Variants in GRM8 observed in about 807,000 individuals in gnomAD.
The protein encoded by GRM8 is glutamate metabotropic receptor 8, also known as metabotropic glutamate receptor 8.
GRM8 carries 47 observed loss-of-function variants against 87.2 expected under a neutral mutation model. The ratio of observed to expected loss-of-function variants is 0.54; its 90% CI spans 0.43 to 0.69. The LOEUF is 0.69. Among genes scored for constraint, GRM8 ranks in the 30% least tolerant of loss-of-function variants. GRM8 has a pLI of 0.00. For synonymous variants in GRM8, 396 were observed against 404.5 expected, an observed-to-expected ratio of 0.98 and a Z score of 0.25; for missense variants, 1,019 against 1,139.2, an observed-to-expected ratio of 0.89 and a Z score of 1.52.
At chr7:126,537,763 C>A (rs1486996584) in intron 8 of GRM8, among the ~76,000 whole-genome samples, 3 of 151,528 alleles carry the variant, frequency 2.0e-5, no homozygotes, top group Non-Finnish European at 1.5e-5. Flanking sequence ...GGTGACAGAG[C>A]GAGACTCCGT....
intron 6 of GRM8, among the ~76,000 whole-genome samples, chr7:126,893,159 TA>T (rs1801226507): frequency 6.6e-6 from 1 of 152,070 alleles, no homozygotes; most frequent in African/African-American, 2.4e-5. Flanking sequence ...AATGTAATTT[TA>T]TTTTTTTAGA....
At chr7:126,936,984 C>T (rs1806402690) in intron 3 of GRM8, among the ~76,000 whole-genome samples, 1 of 152,326 alleles carries the variant, frequency 6.6e-6, no homozygotes, top group East Asian at 1.9e-4. Context: ...ATTGCCATAA[C>T]AATATCTGAG....
At chr7:127,105,622 G>T (rs1320190371) in intron 3 of GRM8, among the ~76,000 whole-genome samples, 1 of 151,782 alleles carries the variant, frequency 6.6e-6, no homozygotes, top group East Asian at 1.9e-4. Context: ...CTTCCTTCAG[G>T]CTCAAAATTA....
At chr7:126,521,086 T>G (rs925757999) in intron 9 of GRM8, among the ~76,000 whole-genome samples, 1 of 152,084 alleles carries the variant, frequency 6.6e-6, no homozygotes, top group African/African-American at 2.4e-5. Flanking sequence ...TTCAATTCAA[T>G]TTGAGTAGAT....
At chr7:127,018,191 A>G (rs1815880412) in intron 3 of GRM8, among the ~76,000 whole-genome samples, 1 of 152,064 alleles carries the variant, frequency 6.6e-6, no homozygotes, top group African/African-American at 2.4e-5. Flanking sequence ...AACAAGGTCC[A>G]GGTGCTGGGC....
Position 126,532,764 on chromosome 7 carries a change from G to GATATATAT in GRM8, c.2430+180_2430+187dup, listed in dbSNP as rs521. On this transcript the variant is annotated intron_variant, in intron 9 of 10. Transcript: ENST00000339582. ...AAGCAATGTGACCTTGACGGATGGAGATATATATATATATATATATATATA... is the reference window on the plus strand; with the variant it reads ...AAGCAATGTGACCTTGACGGATGGAGATATATATATATATATATATATATATATATATA... 2.9e-3 allele frequency among the ~76,000 whole-genome samples: 316 copies of GATATATAT among 110,850 alleles called. 2 individuals are homozygous for GATATATAT. The highest frequency in any genetic ancestry group is 4.4e-3 in the Middle Eastern group (1 of 226). The allele number at this position is 110,850 out of a possible 152,430, so 72.7% of individuals were successfully genotyped here.
At chr7:127,169,827 T>C (rs1793683113) in intron 2 of GRM8, among the ~76,000 whole-genome samples, 1 of 152,206 alleles carries the variant, frequency 6.6e-6, no homozygotes, top group South Asian at 2.1e-4. Context: ...AACATCTGTT[T>C]ACAGCATGAT....
chr7:126,606,485 C>T (rs1798360792), intron 8 of GRM8, among the ~76,000 whole-genome samples: 1 of 152,098 alleles, frequency 6.6e-6, no homozygotes, highest in Non-Finnish European at 1.5e-5. Flanking sequence ...TTGTTTAGTG[C>T]TTTGCCATAG....
At chr7:126,617,916 T>A (rs1799687994) in intron 7 of GRM8, among the ~76,000 whole-genome samples, 1 of 152,188 alleles carries the variant, frequency 6.6e-6, no homozygotes, top group Non-Finnish European at 1.5e-5. Context: ...TCCTCATGGA[T>A]GGGAAGAAAA....
chr7:127,182,652 T>C (rs987929251), intron 2 of GRM8, among the ~76,000 whole-genome samples: 4 of 142,330 alleles, frequency 2.8e-5, no homozygotes, highest in African/African-American at 8.5e-5. Context: ...TGTGTGTGTG[T>C]GTGTGTGTGT....
intron 3 of GRM8, among the ~76,000 whole-genome samples, chr7:127,007,351 T>C (rs1814421846): frequency 6.6e-6 from 1 of 151,678 alleles, no homozygotes; most frequent in Admixed American, 6.6e-5. Context: ...ATATGGGGGG[T>C]AAAAATATAA....
intron 2 of GRM8, among the ~76,000 whole-genome samples, chr7:127,145,711 G>C (rs1167726140): frequency 6.6e-6 from 1 of 152,084 alleles, no homozygotes; most frequent in Non-Finnish European, 1.5e-5. Context: ...TGCTGAAAAT[G>C]ATGCCCAGGA....
chr7:126,635,927 A>G (rs1801807332), intron 7 of GRM8, among the ~76,000 whole-genome samples: 1 of 152,312 alleles, frequency 6.6e-6, no homozygotes, highest in Admixed American at 6.5e-5. Flanking sequence ...TCATAAATTC[A>G]CCACTAAAAC....
intron 6 of GRM8, among the ~76,000 whole-genome samples, chr7:126,885,424 G>A (rs187647584): frequency 2.9e-4 from 44 of 152,260 alleles, no homozygotes; most frequent in African/African-American, 9.1e-4. Context: ...GGGGAGTACT[G>A]AAATCATTCC....
intron 2 of GRM8, among the ~76,000 whole-genome samples, chr7:127,168,198 T>C (rs1587183055): frequency 6.6e-6 from 1 of 152,152 alleles, no homozygotes; most frequent in South Asian, 2.1e-4. Flanking sequence ...GGGCAAAGGA[T>C]ATGAACAGAC....
chr7:127,079,187 C>T (rs1156530562), intron 3 of GRM8, among the ~76,000 whole-genome samples: 3 of 151,842 alleles, frequency 2.0e-5, no homozygotes, highest in African/African-American at 7.3e-5. Flanking sequence ...GTGGTATGAT[C>T]TCCGCTTACT....
chr7:126,574,619 T>C (rs1004428162), intron 8 of GRM8, among the ~76,000 whole-genome samples: 1 of 152,178 alleles, frequency 6.6e-6, no homozygotes, highest in African/African-American at 2.4e-5. Context: ...GTTTTCCAAC[T>C]CTCTCTTCAC....
chr7:126,750,501 A>G (rs1026690480), intron 7 of GRM8, among the ~76,000 whole-genome samples: 1 of 152,072 alleles, frequency 6.6e-6, no homozygotes, highest in African/African-American at 2.4e-5. Flanking sequence ...GCCGACGAAG[A>G]AAAAAATAAT....
chr7:126,502,910 G>A (rs1809868056), intron 9 of GRM8, among the ~76,000 whole-genome samples: 7 of 151,958 alleles, frequency 4.6e-5, no homozygotes, highest in Admixed American at 4.6e-4. Context: ...CCATATTCCA[G>A]CTGGTTCCAG....
Sources: gnomAD v4.1 joint callset for allele counts (sites outside exome capture counted in the v4.1 genomes callset) on GRCh38, gnomAD v4.1.1 for gene constraint, MANE v1.5 for transcripts, NCBI Gene and HGNC (gene_info 2026-07-23, HGNC 2026-07-21) for gene names.